Variants in NFIB observed in about 807,000 individuals in gnomAD.
NFIB encodes the protein nuclear factor I B.
NFIB carries 11 observed loss-of-function variants against 61.5 expected under a neutral mutation model. The ratio of observed to expected loss-of-function variants is 0.18; its 90% CI spans 0.11 to 0.30. NFIB has a LOEUF of 0.30. NFIB is among the 10% of genes least tolerant of loss of function. The pLI is 1.00. For synonymous variants in NFIB, 260 were observed against 216.5 expected, an observed-to-expected ratio of 1.20 and a Z score of -1.76; for missense variants, 471 against 608.9, an observed-to-expected ratio of 0.77 and a Z score of 2.38.
intron 2 of NFIB, among the ~76,000 whole-genome samples, chr9:14,303,886 C>A (rs924532355): frequency 1.3e-5 from 2 of 152,300 alleles, no homozygotes; most frequent in African/African-American, 4.8e-5. Context: ...GCAGTTACTC[C>A]CAAATGATGT....
At chr9:14,512,603 A>G in the NFIB span, among the ~76,000 whole-genome samples, 1,502 of 152,302 alleles carry the variant, frequency 9.9e-3, 31 homozygotes, top group African/African-American at 0.034. Flanking sequence ...AAAAAACGTA[A>G]TAAGTCCGCC....
chr9:14,470,744 C>T, the NFIB span, among the ~76,000 whole-genome samples: 1 of 152,152 alleles, frequency 6.6e-6, no homozygotes, highest in African/African-American at 2.4e-5. Context: ...CTGATTTCTG[C>T]CGAAACTAGG....
At chr9:14,159,822 G>T (rs1405072126) in intron 3 of NFIB, among the ~76,000 whole-genome samples, 4 of 152,188 alleles carry the variant, frequency 2.6e-5, no homozygotes, top group Admixed American at 1.3e-4. Context: ...CAGGTTATCT[G>T]CTGCTAACAT....
rs189805450 is a variant in NFIB at position 14,105,371 on chromosome 9, G to T, written c.1467+7628C>A. Among the ~76,000 whole-genome samples, 192 of 152,158 alleles carry T rather than the reference G, an allele frequency of 1.3e-3. 1 individual carries two copies. The highest frequency in any genetic ancestry group is 4.4e-3 in the African/African-American group (184 of 41,504). ...AATTGGCAATATATTAATTAGCATT[G>T]AATTTCCTTTTAGTTACTAAAAATG... On this transcript the variant is annotated intron_variant, in intron 10 of 10. Coordinates refer to ENST00000380953, the MANE Select transcript of NFIB (RefSeq NM_001190737.2).
intron 1 of NFIB, among the ~76,000 whole-genome samples, chr9:14,358,474 T>A (rs1044470248): frequency 3.9e-5 from 6 of 152,188 alleles, no homozygotes; most frequent in Admixed American, 6.5e-5. Flanking sequence ...GGTACGTGCA[T>A]ACCCACAGCA....
intron 2 of NFIB, among the ~76,000 whole-genome samples, chr9:14,222,305 C>G (rs556510695): frequency 6.6e-6 from 1 of 152,186 alleles, no homozygotes; most frequent in South Asian, 2.1e-4. Flanking sequence ...CTTCCTGCAC[C>G]CTCATCTACA....
intron 6 of NFIB, among the ~76,000 whole-genome samples, chr9:14,140,914 A>G (rs1175754076): frequency 2.0e-5 from 3 of 152,136 alleles, no homozygotes; most frequent in Admixed American, 6.6e-5. Flanking sequence ...CATCCTGGGC[A>G]ACAGACAGAG....
rs1289456117 is a variant in NFIB at position 14,230,125 on chromosome 9, TA to T, written c.563-50346del. On this transcript the variant is annotated intron_variant, in intron 2 of 10. Coordinates refer to ENST00000380953, the MANE Select transcript of NFIB (RefSeq NM_001190737.2). Reference sequence around the variant, plus strand: ...TGGCCTGACCTGATGAATTTCTAATTAGTGGTATTTTTAAGACAGTATAAAA... The same window carrying T: ...TGGCCTGACCTGATGAATTTCTAATTGTGGTATTTTTAAGACAGTATAAAA... Among the ~76,000 whole-genome samples the T allele has an allele frequency of 2.6e-5, 4 of 152,270 alleles. No individual in the cohort carries two copies. The East Asian group carries it at 5.8e-4, about 22-fold the overall frequency.
intron 2 of NFIB, among the ~76,000 whole-genome samples, chr9:14,275,077 CTA>C (rs919154689): frequency 3.4e-4 from 52 of 152,278 alleles, no homozygotes; most frequent in Admixed American, 6.5e-4. Context: ...AGTGGGCGAA[CTA>C]TCAGTAAGTT....
At chr9:14,220,316 CA>C (rs1356863128) in intron 2 of NFIB, among the ~76,000 whole-genome samples, 7 of 152,220 alleles carry the variant, frequency 4.6e-5, no homozygotes, top group African/African-American at 1.7e-4. Flanking sequence ...GCTTCATAAA[CA>C]AGGCAAAGGT....
chr9:14,378,058 C>T (rs372093150), intron 1 of NFIB, among the ~76,000 whole-genome samples: 2 of 152,168 alleles, frequency 1.3e-5, no homozygotes, highest in African/African-American at 4.8e-5. Flanking sequence ...AGGTGCTCCA[C>T]ACCAGCTGAG....
At chr9:14,295,345 G>A (rs533226652) in intron 2 of NFIB, among the ~76,000 whole-genome samples, 1 of 152,270 alleles carries the variant, frequency 6.6e-6, no homozygotes, top group South Asian at 2.1e-4. Flanking sequence ...AATCCAGTTG[G>A]CCGGGCGCGG....
intron 2 of NFIB, among the ~76,000 whole-genome samples, chr9:14,305,477 G>C (rs1334309932): frequency 1.3e-5 from 2 of 152,158 alleles, no homozygotes; most frequent in Admixed American, 6.5e-5. Flanking sequence ...ATGTGTTACT[G>C]AGTTTTATTT....
the NFIB span, among the ~76,000 whole-genome samples, chr9:14,455,414 G>T: frequency 2.0e-5 from 3 of 152,212 alleles, no homozygotes; most frequent in African/African-American, 7.2e-5. Context: ...TGTCGCAATA[G>T]CCAGGTGAGA....
chr9:14,333,219 A>G (rs2060842817), intron 1 of NFIB, among the ~76,000 whole-genome samples: 1 of 152,186 alleles, frequency 6.6e-6, no homozygotes, highest in Non-Finnish European at 1.5e-5. Context: ...GATCCTCCTA[A>G]TAATCCTATA....
intron 1 of NFIB, among the ~76,000 whole-genome samples, chr9:14,343,518 G>A (rs2060978268): frequency 6.6e-6 from 1 of 152,174 alleles, no homozygotes; most frequent in South Asian, 2.1e-4. Context: ...AAGGGATGTG[G>A]CTGTTGGCAG....
intron 1 of NFIB, chr9:14,357,972 G>A (rs2061195617): frequency 2.6e-5 from 4 of 152,170 alleles, no homozygotes; most frequent in Admixed American, 2.6e-4. Flanking sequence ...ACTAGTGATT[G>A]GCTAGAGCTT....
intron 2 of NFIB, among the ~76,000 whole-genome samples, chr9:14,296,362 C>T (rs1309985505): frequency 2.6e-5 from 4 of 152,184 alleles, no homozygotes; most frequent in Non-Finnish European, 5.9e-5. Flanking sequence ...GTGACTTGAC[C>T]AAGGTCACAA....
chr9:14,458,716 A>G, the NFIB span, among the ~76,000 whole-genome samples: 2 of 152,168 alleles, frequency 1.3e-5, no homozygotes, highest in East Asian at 3.9e-4. Flanking sequence ...ATTCTTATAC[A>G]CCAATAACAG....
Sources: allele counts gnomAD v4.1 joint callset (sites outside exome capture counted in the v4.1 genomes callset), GRCh38; gene constraint gnomAD v4.1.1; transcripts MANE v1.5; gene names NCBI Gene and HGNC (gene_info 2026-07-23, HGNC 2026-07-21).